BPTF: variants seen among roughly 807,000 people sequenced by gnomAD.
BPTF encodes bromodomain PHD finger transcription factor, also known as nucleosome-remodeling factor subunit BPTF.
Under a neutral mutation model 292.5 loss-of-function variants are expected in BPTF, and 18 were observed. The ratio of observed to expected loss-of-function variants is 0.06; its 90% CI spans 0.04 to 0.09. BPTF has a LOEUF of 0.09. Ranked by LOEUF, BPTF falls within the 10% of genes least tolerant of loss-of-function variation. BPTF has a pLI of 1.00. For synonymous variants in BPTF, 1,225 were observed against 1,251.9 expected (o/e 0.98, Z 0.45); for missense variants, 2,726 against 3,498.7 (o/e 0.78, Z 5.57).
intron 23 of BPTF, among the ~76,000 whole-genome samples, chr17:67,958,550 A>G (rs2067165100): frequency 6.6e-6 from 1 of 152,124 alleles, no homozygotes; most frequent in South Asian, 2.1e-4. Flanking sequence ...CAACATAATG[A>G]AACTCTGTCC....
intron 22 of BPTF, 52 bp from the exon 23 acceptor site, chr17:67,948,029 G>A (rs1257406530): frequency 6.5e-7 from 1 of 1,533,672 alleles, no homozygotes; most frequent in African/African-American, 1.4e-5. Context: ...GATGTCTTAA[G>A]CCTTTCAAAA....
At chr17:67,826,582 C>CA (rs1444960152) in intron 1 of BPTF, among the ~76,000 whole-genome samples, 2 of 95,390 alleles carry the variant, frequency 2.1e-5, no homozygotes, top group Non-Finnish European at 4.9e-5. Context: ...GCTCTCTCTC[C>CA]CCCCCCCAAC....
At chr17:67,906,121 C>T (rs923802225) in intron 9 of BPTF, among the ~76,000 whole-genome samples, 7 of 151,942 alleles carry the variant, frequency 4.6e-5, no homozygotes, top group Non-Finnish European at 1.0e-4. Context: ...CTTGCTCTGT[C>T]ACCAGGCTGG....
At chr17:67,862,233 C>T (rs62084239) in intron 2 of BPTF, among the ~76,000 whole-genome samples, 7,816 of 152,264 alleles carry the variant, frequency 0.051, 281 homozygotes, top group Non-Finnish European at 0.077. Context: ...GCCTCGGACT[C>T]CGAAAGTGCT....
At chr17:67,978,372 C>T (rs1242331545) in intron 27 of BPTF, among the ~76,000 whole-genome samples, 5 of 150,948 alleles carry the variant, frequency 3.3e-5, no homozygotes, top group South Asian at 2.1e-4. Flanking sequence ...AATCTCGGCT[C>T]GCTGCAACAT....
chr17:67,838,899 T>C (rs1183903828), intron 1 of BPTF, among the ~76,000 whole-genome samples: 1 of 152,266 alleles, frequency 6.6e-6, no homozygotes, highest in Non-Finnish European at 1.5e-5. Context: ...TGCTGGGGCT[T>C]CTAGTTGAAA....
At chr17:67,932,147 C>T in intron 18 of BPTF, 128 bp downstream of exon 18, 1 of 767,568 alleles carries the variant, frequency 1.3e-6, no homozygotes, top group South Asian at 1.8e-5. Flanking sequence ...TACTAAATTT[C>T]TAATCCATTG....
At chr17:67,933,507 T>A (rs998176135) in intron 18 of BPTF, among the ~76,000 whole-genome samples, 1 of 151,718 alleles carries the variant, frequency 6.6e-6, no homozygotes, top group African/African-American at 2.4e-5. Flanking sequence ...CATTGGAGGC[T>A]GCAGTGAAGT....
chr17:67,934,179 T>C (rs2064699118), intron 18 of BPTF, among the ~76,000 whole-genome samples: 1 of 152,106 alleles, frequency 6.6e-6, no homozygotes. Flanking sequence ...AAGCTAGAAA[T>C]TAATATTAAA....
intron 19 of BPTF, among the ~76,000 whole-genome samples, chr17:67,942,213 G>C (rs571261108): frequency 6.6e-6 from 1 of 152,230 alleles, no homozygotes; most frequent in African/African-American, 2.4e-5. Context: ...CTGCTTGGGA[G>C]GCTGAGGCAG....
chr17:67,929,719 A>AT (rs2064198920), intron 17 of BPTF, among the ~76,000 whole-genome samples: 2 of 152,250 alleles, frequency 1.3e-5, no homozygotes, highest in Non-Finnish European at 2.9e-5. Flanking sequence ...AAGAATAATA[A>AT]TTGCTTTCTA....
rs528168518 is a variant in BPTF, at chr17:67,932,121, T to G, written c.6259+102T>G. The G allele has an allele frequency of 5.3e-4, 503 of 957,618 alleles. 1 individual carries two copies. The highest frequency in any genetic ancestry group is 7.6e-4 in the Non-Finnish European group (476 of 629,090). The allele number at this position is 957,618 out of a possible 1,614,324, so 59.3% of individuals were successfully genotyped here. A position where few individuals can be genotyped will look rare whatever the true frequency, so the allele number is the denominator to read the frequency against. On this transcript the variant is annotated intron_variant, in intron 18 of 27. Coordinates refer to ENST00000306378, the MANE Select transcript of BPTF (RefSeq NM_182641.4). The stretch of plus-strand genomic sequence containing the variant: ...CTACATACGAGAAATATAATTTTAA[T>G]TAGTACTTCAAAGCATACTAAATTT...
At chr17:67,857,148 ATTTTTT>A (rs35727338) in intron 2 of BPTF, among the ~76,000 whole-genome samples, 1 of 97,586 alleles carries the variant, frequency 1.0e-5, no homozygotes, top group African/African-American at 3.3e-5. Flanking sequence ...GTCTTTAACA[ATTTTTT>A]TTTTTTTTTT....
At chr17:67,924,623 G>T in intron 15 of BPTF, 34 bp downstream of exon 15, 1 of 1,599,868 alleles carries the variant, frequency 6.3e-7, no homozygotes, top group South Asian at 1.1e-5. Flanking sequence ...GGACATCAAG[G>T]CCCAAATGGA....
chr17:67,866,567 G>A lies in BPTF; in HGVS notation c.1540G>A (p.Ala514Thr). The change falls in exon 3 of 28, where the codon GCA (alanine) becomes ACA (threonine). Residue 514 changes from alanine to threonine, a missense_variant. This residue lies in a region of BPTF where 187 missense variants were observed against 201.5 expected (regional missense o/e 0.93). Coordinates refer to ENST00000306378, the MANE Select transcript of BPTF (RefSeq NM_182641.4). ...IDCLDKDYWE[A>T]ELCKILEEMR... ...CTGTCTAGACAAAGATTATTGGGAA[G>A]CAGAACTCTGCAAAATTCTAGAAGA... is the stretch of plus-strand genomic sequence containing the variant. 1 of 1,614,038 alleles carries A rather than the reference G, an allele frequency of 6.2e-7. No homozygotes were observed.
In BPTF at chr17:67,844,173, A is replaced by G. The variant is rs2057832199; in HGVS notation, c.614-9767A>G. On this transcript the variant is annotated intron_variant, in intron 1 of 27. Transcript: ENST00000306378. Reference sequence around the variant, plus strand: ...CAGCTCACTGCAACCTCCGCCTCCCAGGTTCAAGTGAGTCTCGTGCCACAG... The same window carrying G: ...CAGCTCACTGCAACCTCCGCCTCCCGGGTTCAAGTGAGTCTCGTGCCACAG... Among the ~76,000 whole-genome samples the G allele has an allele frequency of 2.8e-5, 4 of 141,006 alleles. No homozygotes were observed. In the South Asian group the frequency reaches 6.9e-4, roughly 24 times the overall value. The allele number at this position is 141,006 out of a possible 152,430, so 92.5% of individuals were successfully genotyped here. A position where few individuals can be genotyped will look rare whatever the true frequency, so the allele number is the denominator to read the frequency against.
At position 67,896,031 on chromosome 17, in the gene BPTF, T is replaced by C. The variant is rs1028526644; in HGVS notation, c.2543+1866T>C. On this transcript the variant is annotated intron_variant, in intron 7 of 27. Transcript: ENST00000306378. The stretch of plus-strand genomic sequence containing the variant: ...CAGGCTGGAGTGCAGTGGCGTGATC[T>C]CGGCTCACTGCAGCTCCGCCTCCCG... Among the ~76,000 whole-genome samples, 10 of 151,112 alleles carry C rather than the reference T, an allele frequency of 6.6e-5. No homozygotes were observed. The East Asian group carries it at 1.6e-3, about 24-fold the overall frequency.
At chr17:67,940,269 G>T (rs2065259471) in intron 18 of BPTF, among the ~76,000 whole-genome samples, 170 bp from the exon 19 acceptor site, 1 of 152,192 alleles carries the variant, frequency 6.6e-6, no homozygotes. Flanking sequence ...CTGCCAACCA[G>T]GCAGGACCTT....
In BPTF at chr17:67,916,279, A is replaced by G. The variant is rs117959886; in HGVS notation, c.5304-2435A>G. On this transcript the variant is annotated intron_variant, in intron 11 of 27. Transcript: ENST00000306378. ...TAGAGCTTTCTCTTTCACAGTGTTCATTTTTCCAACTGAATGCTGTCAATA... is the reference window on the plus strand; with the variant it reads ...TAGAGCTTTCTCTTTCACAGTGTTCGTTTTTCCAACTGAATGCTGTCAATA... Among the ~76,000 whole-genome samples the G allele has an allele frequency of 2.0e-5, 3 of 152,146 alleles. No homozygotes were observed. In the East Asian group the frequency reaches 5.8e-4, roughly 29 times the overall value.
Sources: allele counts gnomAD v4.1 joint callset (sites outside exome capture counted in the v4.1 genomes callset), GRCh38; gene constraint gnomAD v4.1.1; regional missense constraint gnomAD v4.1.1; transcripts MANE v1.5; gene names NCBI Gene and HGNC (gene_info 2026-07-23, HGNC 2026-07-21).